The following KLHL29 variants were observed in gnomAD, a reference collection of about 807,000 sequenced individuals.
KLHL29 encodes kelch-like protein 29.
A neutral mutation model predicts 80.4 loss-of-function variants in KLHL29; 21 were observed. The observed-to-expected ratio is 0.26, with a 90% CI of 0.19 to 0.38. The LOEUF (loss-of-function observed/expected upper bound fraction) is 0.38, where lower values mean the gene tolerates loss of function less well. Ranked by LOEUF, KLHL29 falls within the 10% of genes least tolerant of loss-of-function variation. KLHL29 has a pLI of 1.00. For synonymous variants in KLHL29, 511 were observed against 526.8 expected (o/e 0.97, Z 0.41); for missense variants, 867 against 1,223.9 (o/e 0.71, Z 4.35).
At chr2:23,532,441 C>G (rs968279507) in intron 2 of KLHL29, 1 of 400,000 alleles carries the variant, frequency 2.5e-6, no homozygotes, top group Non-Finnish European at 5.0e-6. Flanking sequence ...GGGGAGCCCA[C>G]GCACCCTCTG....
chr2:23,572,398 C>A (rs912074273), intron 3 of KLHL29, among the ~76,000 whole-genome samples: 1 of 152,158 alleles, frequency 6.6e-6, no homozygotes, highest in East Asian at 1.9e-4. Flanking sequence ...TCTCTTGTTC[C>A]TATAATAATT....
intron 2 of KLHL29, among the ~76,000 whole-genome samples, chr2:23,536,761 G>T (rs984806192): frequency 3.9e-5 from 6 of 152,158 alleles, no homozygotes; most frequent in Non-Finnish European, 4.4e-5. Context: ...GTGAAAAGAA[G>T]CTCTGTACTG....
intron 5 of KLHL29, among the ~76,000 whole-genome samples, chr2:23,679,530 G>A (rs1008847128): frequency 6.6e-6 from 1 of 152,046 alleles, no homozygotes; most frequent in African/African-American, 2.4e-5. Context: ...CACAAAGCCA[G>A]CCAAGATTCA....
At chr2:23,645,066 G>A (rs1010987870) in intron 5 of KLHL29, among the ~76,000 whole-genome samples, 5 of 152,210 alleles carry the variant, frequency 3.3e-5, no homozygotes, top group African/African-American at 1.2e-4. Context: ...AAGAAAGAGT[G>A]ACGCACGCGC....
chr2:23,552,425 A>G (rs928730240), intron 2 of KLHL29, among the ~76,000 whole-genome samples: 26 of 152,326 alleles, frequency 1.7e-4, no homozygotes, highest in African/African-American at 6.0e-4. Context: ...TAAAGAAAAA[A>G]GAAGAGCCTT....
intron 3 of KLHL29, chr2:23,616,699 C>T (rs997058001): frequency 3.9e-5 from 6 of 152,152 alleles, no homozygotes; most frequent in African/African-American, 1.4e-4. Flanking sequence ...AGATCTTATC[C>T]CTTTCTGGAA....
intron 3 of KLHL29, among the ~76,000 whole-genome samples, chr2:23,585,230 C>A (rs1052466912): frequency 6.6e-6 from 1 of 152,162 alleles, no homozygotes; most frequent in Non-Finnish European, 1.5e-5. Context: ...CCCACGTGCT[C>A]GGCAACATGG....
intron 3 of KLHL29, among the ~76,000 whole-genome samples, chr2:23,588,252 A>C (rs1425591959): frequency 6.6e-6 from 1 of 152,080 alleles, no homozygotes; most frequent in Non-Finnish European, 1.5e-5. Context: ...AGAGAGGCTG[A>C]GTTGGTATGG....
chr2:23,598,589 T>A (rs1043562170), intron 3 of KLHL29, among the ~76,000 whole-genome samples: 7 of 152,066 alleles, frequency 4.6e-5, no homozygotes, highest in African/African-American at 1.4e-4. Flanking sequence ...TGATCACCCC[T>A]CTCCAAGGAC....
chr2:23,489,504 G>A lies in KLHL29; in HGVS notation c.-46+13837G>A, dbSNP rs150102522. On this transcript the variant is annotated intron_variant, in intron 2 of 13. Coordinates refer to ENST00000486442, the MANE Select transcript of KLHL29 (RefSeq NM_052920.2). Reference sequence around the variant, plus strand: ...GAAGAGCTTGTCCCCAGCTGCCTCCGAAAGCAGGGTGAGTCAGAAGTCCTT... The same window carrying A: ...GAAGAGCTTGTCCCCAGCTGCCTCCAAAAGCAGGGTGAGTCAGAAGTCCTT... 1.7e-3 allele frequency among the ~76,000 whole-genome samples: 260 copies of A among 152,190 alleles called. 3 individuals are homozygous for A. Among genetic ancestry groups the A allele is most frequent in the East Asian group, 4.8e-3 (25 of 5,182 alleles).
At chr2:23,488,511 C>A (rs1439848732) in intron 2 of KLHL29, among the ~76,000 whole-genome samples, 3 of 152,248 alleles carry the variant, frequency 2.0e-5, no homozygotes, top group Non-Finnish European at 2.9e-5. Flanking sequence ...GACCCAGCTC[C>A]TGTGTCTGGG....
intron 1 of KLHL29, among the ~76,000 whole-genome samples, chr2:23,442,110 T>G (rs1049366913): frequency 6.6e-6 from 1 of 152,152 alleles, no homozygotes; most frequent in Non-Finnish European, 1.5e-5. Context: ...TTTTTAATTT[T>G]TGAGACAGGG....
chr2:23,626,482 A>T (rs900473789), intron 3 of KLHL29, among the ~76,000 whole-genome samples: 3 of 152,290 alleles, frequency 2.0e-5, no homozygotes, highest in African/African-American at 7.2e-5. Context: ...GGGCACTTAG[A>T]TCTTGGCCTC....
intron 2 of KLHL29, among the ~76,000 whole-genome samples, chr2:23,514,959 A>C (rs1373934653): frequency 6.6e-6 from 1 of 152,160 alleles, no homozygotes; most frequent in Non-Finnish European, 1.5e-5. Context: ...TAATCTCAGT[A>C]GAATTTCACC....
At chr2:23,528,396 G>A (rs764411436) in intron 2 of KLHL29, among the ~76,000 whole-genome samples, 6 of 152,178 alleles carry the variant, frequency 3.9e-5, no homozygotes, top group Non-Finnish European at 7.3e-5. Flanking sequence ...CATTTCCGAT[G>A]CTGGTTAGTC....
intron 3 of KLHL29, among the ~76,000 whole-genome samples, chr2:23,563,672 A>G (rs1667510593): frequency 6.6e-6 from 1 of 152,120 alleles, no homozygotes; most frequent in Non-Finnish European, 1.5e-5. Context: ...CTGGTTTTCA[A>G]AACTCCCTTT....
Position 23,603,423 on chromosome 2 carries a change from A to T in KLHL29, c.286-35716A>T, listed in dbSNP as rs141731608. ...GGCATGTCCTCTGAGTTCTTGGGGG[A>T]CCTCTGCTGGGCCCTGAGCTCTGTG... On this transcript the variant is annotated intron_variant, in intron 3 of 13. Transcript: ENST00000486442. Among the ~76,000 whole-genome samples the T allele has an allele frequency of 4.3e-3, 654 of 151,766 alleles. 5 individuals are homozygous for T. The highest frequency in any genetic ancestry group is 0.015 in the African/African-American group (629 of 41,336).
intron 2 of KLHL29, among the ~76,000 whole-genome samples, chr2:23,504,769 C>T (rs1033052064): frequency 4.6e-5 from 7 of 152,250 alleles, no homozygotes; most frequent in African/African-American, 1.2e-4. Flanking sequence ...ATGTGCCGGG[C>T]ACAAGCCAGG....
intron 6 of KLHL29, 66 bp from the exon 7 acceptor site, chr2:23,691,608 C>T: frequency 7.3e-7 from 1 of 1,370,490 alleles, no homozygotes; most frequent in Admixed American, 2.0e-5. Context: ...GGAGATCTAG[C>T]CCTGTGAGGA....
Sources: allele counts gnomAD v4.1 joint callset (sites outside exome capture counted in the v4.1 genomes callset), GRCh38; gene constraint gnomAD v4.1.1; transcripts MANE v1.5; gene names NCBI Gene and HGNC (gene_info 2026-07-23, HGNC 2026-07-21).